The following DTNB variants were observed in gnomAD, a reference collection of about 807,000 sequenced individuals.
DTNB encodes DTN-B.
In DTNB, 63 loss-of-function variants were observed where a neutral mutation model predicts 90.7. The observed-to-expected ratio is 0.69, with a 90% CI of 0.57 to 0.86. DTNB has a LOEUF of 0.86. DTNB is among the 40% of genes least tolerant of loss of function. The probability of loss-of-function intolerance (pLI) is 0.00; values close to 1 mark genes in which losing one functional copy is unlikely to be tolerated. For missense variants in DTNB, 744 were observed against 807.1 expected, an observed-to-expected ratio of 0.92 and a Z score of 0.95; for synonymous variants, 277 against 286.7, an observed-to-expected ratio of 0.97 and a Z score of 0.34.
chr2:25,546,479 T>G (rs1191691024), intron 8 of DTNB, among the ~76,000 whole-genome samples: 4 of 152,220 alleles, frequency 2.6e-5, no homozygotes, highest in Admixed American at 1.3e-4. Flanking sequence ...CCCTCTTTGT[T>G]TTAAGGAGGC....
chr2:25,502,754 C>T (rs1284815183), intron 9 of DTNB, among the ~76,000 whole-genome samples: 1 of 151,538 alleles, frequency 6.6e-6, no homozygotes, highest in East Asian at 1.9e-4. Flanking sequence ...GACATGGTGG[C>T]CAGCGCCTGT....
At chr2:25,453,870 G>A (rs2059622399) in intron 11 of DTNB, among the ~76,000 whole-genome samples, 1 of 152,270 alleles carries the variant, frequency 6.6e-6, no homozygotes, top group Non-Finnish European at 1.5e-5. Context: ...CTTCTCAGCC[G>A]GGCGTAGTGG....
Position 25,388,059 on chromosome 2 carries a change from C to A in DTNB, c.1735+143G>T, listed in dbSNP as rs1447835669. 4 of 1,381,054 alleles carry A rather than the reference C, an allele frequency of 2.9e-6. No individual in the cohort carries two copies. In the African/African-American group the frequency reaches 4.3e-5, roughly 15 times the overall value. The allele number at this position is 1,381,054 out of a possible 1,614,324, so 85.5% of individuals were successfully genotyped here. On this transcript the variant is annotated intron_variant, in intron 17 of 20. Transcript: ENST00000406818. Reference sequence around the variant, plus strand: ...CCCGTCTCATGAGAAGGGGCCAGCACCTGACTTATTTACACTGTCTGTCAA... The same window carrying A: ...CCCGTCTCATGAGAAGGGGCCAGCAACTGACTTATTTACACTGTCTGTCAA...
At chr2:25,648,103 A>G (rs151123191) in intron 2 of DTNB, among the ~76,000 whole-genome samples, 150 of 152,342 alleles carry the variant, frequency 9.8e-4, no homozygotes, top group African/African-American at 3.4e-3. Context: ...GCCTGGTATC[A>G]AGCACTTTGT....
intron 2 of DTNB, among the ~76,000 whole-genome samples, chr2:25,645,216 C>G (rs1053110195): frequency 9.2e-5 from 14 of 151,662 alleles, no homozygotes; most frequent in Admixed American, 6.6e-5. Flanking sequence ...AACCCCGTCA[C>G]TACTAGAAAT....
chr2:25,495,225 C>A (rs1368617380), intron 9 of DTNB, among the ~76,000 whole-genome samples: 1 of 152,084 alleles, frequency 6.6e-6, no homozygotes, highest in Admixed American at 6.6e-5. Context: ...GCCACCACAC[C>A]AGCTAATTTC....
chr2:25,461,151 G>A (rs532851743), intron 10 of DTNB, among the ~76,000 whole-genome samples: 226 of 152,340 alleles, frequency 1.5e-3, no homozygotes, highest in African/African-American at 5.2e-3. Flanking sequence ...TGATCCGCCC[G>A]CCTTGGTCTC....
intron 9 of DTNB, among the ~76,000 whole-genome samples, chr2:25,485,526 C>T (rs939081209): frequency 6.6e-6 from 1 of 152,124 alleles, no homozygotes; most frequent in Non-Finnish European, 1.5e-5. Context: ...AATATCAAAG[C>T]TTCTTCTCTA....
chr2:25,629,160 G>T (rs1301289524), intron 3 of DTNB, among the ~76,000 whole-genome samples: 2 of 152,126 alleles, frequency 1.3e-5, no homozygotes, highest in Non-Finnish European at 2.9e-5. Context: ...AAAGGAAGCA[G>T]AAGACTGCAA....
intron 10 of DTNB, among the ~76,000 whole-genome samples, chr2:25,458,409 G>GT (rs1022364119): frequency 8.1e-5 from 12 of 148,740 alleles, no homozygotes; most frequent in African/African-American, 3.0e-4. Context: ...GAAATCAACA[G>GT]TTAAAAAAAA....
intron 6 of DTNB, among the ~76,000 whole-genome samples, chr2:25,590,323 C>T (rs1032293943): frequency 2.6e-5 from 4 of 152,298 alleles, no homozygotes; most frequent in Non-Finnish European, 5.9e-5. Context: ...GTTCCTGTCC[C>T]GTACCCAGGA....
At chr2:25,523,176 A>G (rs779625230) in intron 9 of DTNB, among the ~76,000 whole-genome samples, 1 of 152,198 alleles carries the variant, frequency 6.6e-6, no homozygotes, top group Non-Finnish European at 1.5e-5. Context: ...GCAACTATAT[A>G]AAACTGGCTT....
Position 25,633,245 on chromosome 2 carries a change from G to A in DTNB, c.149-4861C>T, listed in dbSNP as rs553510415. On this transcript the variant is annotated intron_variant, in intron 3 of 20. Coordinates refer to ENST00000406818, the MANE Select transcript of DTNB (RefSeq NM_021907.5). ...GCTGGACTGTACTGCTGCCATCTCG[G>A]CTCACTGCAACCTCCCTGCCTGATT... Among the ~76,000 whole-genome samples, 361 of 149,656 alleles carry A rather than the reference G, an allele frequency of 2.4e-3. 1 individual carries two copies. The highest frequency in any genetic ancestry group is 7.2e-3 in the African/African-American group (295 of 41,198).
intron 1 of DTNB, among the ~76,000 whole-genome samples, chr2:25,671,119 G>A (rs1276504398): frequency 6.6e-6 from 1 of 152,148 alleles, no homozygotes; most frequent in Non-Finnish European, 1.5e-5. Context: ...ATATGCCTAA[G>A]AGAAGTCATT....
chr2:25,475,530 T>G (rs1048975344), intron 10 of DTNB, among the ~76,000 whole-genome samples: 3 of 152,238 alleles, frequency 2.0e-5, no homozygotes, highest in African/African-American at 7.2e-5. Flanking sequence ...ATGGAGAAGC[T>G]GCAGCAAGTT....
intron 12 of DTNB, among the ~76,000 whole-genome samples, chr2:25,450,252 TC>T: frequency 6.6e-6 from 1 of 152,334 alleles, no homozygotes; most frequent in East Asian, 1.9e-4. Flanking sequence ...ATTCTTTTCT[TC>T]CCTGTGTAGA....
chr2:25,602,049 G>A (rs2065993998), intron 5 of DTNB, among the ~76,000 whole-genome samples: 1 of 150,806 alleles, frequency 6.6e-6, no homozygotes, highest in South Asian at 2.1e-4. Flanking sequence ...TTGAACCCGG[G>A]AGGTGGAAGC....
At chr2:25,514,751 C>A (rs1486349805) in intron 9 of DTNB, among the ~76,000 whole-genome samples, 1 of 134,290 alleles carries the variant, frequency 7.4e-6, no homozygotes, top group Admixed American at 8.3e-5. Flanking sequence ...TGCAGTGGCT[C>A]TCGGCTACTG....
At chr2:25,444,654 C>T (rs185434861) in intron 12 of DTNB, among the ~76,000 whole-genome samples, 158 of 152,238 alleles carry the variant, frequency 1.0e-3, no homozygotes, top group African/African-American at 3.3e-3. Flanking sequence ...TCTGCAGCCC[C>T]GCTCCCCATC....
Sources: allele counts gnomAD v4.1 joint callset (sites outside exome capture counted in the v4.1 genomes callset), GRCh38; gene constraint gnomAD v4.1.1; transcripts MANE v1.5; gene names NCBI Gene and HGNC (gene_info 2026-07-23, HGNC 2026-07-21).